TMEM179: variants seen among roughly 807,000 people sequenced by gnomAD.
TMEM179 encodes transmembrane protein 179A.
A neutral mutation model predicts 22.2 loss-of-function variants in TMEM179; 17 were observed. That is an observed-to-expected ratio of 0.77 (90% CI 0.52 to 1.15). The LOEUF (loss-of-function observed/expected upper bound fraction) is 1.15. Among genes scored for constraint, TMEM179 ranks in the 50% most tolerant of loss-of-function variants. TMEM179 has a pLI of 0.00. For missense variants in TMEM179, 265 were observed against 313.6 expected (o/e 0.84, Z 1.17); for synonymous variants, 127 against 140.5 (o/e 0.90, Z 0.68).
chr14:104,600,766 C>A (rs972079663), intron 1 of TMEM179, among the ~76,000 whole-genome samples: 42 of 152,158 alleles, frequency 2.8e-4, no homozygotes, highest in African/African-American at 9.7e-4. Context: ...TGAAAGACAC[C>A]CCCATAGGAA....
intron 3 of TMEM179, chr14:104,594,378 T>G: frequency 8.1e-7 from 1 of 1,231,748 alleles, no homozygotes; most frequent in East Asian, 3.2e-5. Flanking sequence ...GAGGCCAGCC[T>G]GGGGTCCGGA....
intron 1 of TMEM179, among the ~76,000 whole-genome samples, chr14:104,599,451 C>A (rs961629989): frequency 6.6e-6 from 1 of 152,152 alleles, no homozygotes; most frequent in African/African-American, 2.4e-5. Context: ...CTCCACTGAC[C>A]CCATGAACCC....
At chr14:104,600,582 CCATT>C (rs555646900) in intron 1 of TMEM179, among the ~76,000 whole-genome samples, 2,034 of 146,138 alleles carry the variant, frequency 0.014, 32 homozygotes, top group African/African-American at 0.034. Context: ...ATTCATTCAT[CCATT>C]CATTCATTCA....
chr14:104,596,940 G>A, intron 2 of TMEM179, 50 bp downstream of exon 2: 1 of 1,581,530 alleles, frequency 6.3e-7, no homozygotes, highest in Non-Finnish European at 8.6e-7. Context: ...GGGTGTCAAG[G>A]GATCTTCCGG....
Position 104,604,467 on chromosome 14 carries a change from G to T in TMEM179, c.275C>A (p.Thr92Lys). The T allele has an allele frequency of 6.3e-7, 1 of 1,581,986 alleles. No homozygotes were observed. Among genetic ancestry groups the T allele is most frequent in the South Asian group, 1.1e-5 (1 of 87,690 alleles). The stretch of plus-strand genomic sequence containing the variant: ...GTGTCCCTTGCAGAGGAAGAAGAGC[G>T]TGCGCCAGGCGTGCGCGGCGGCCAG... ...LLLAAAHAWR[T>K]LFFLCKGHEG... The change falls in exon 1 of 4, where the codon ACG becomes AAG. Residue 92 changes from threonine to lysine, a missense_variant. Coordinates refer to ENST00000556573, the MANE Select transcript of TMEM179 (RefSeq NM_001286389.2). The surrounding 1 kb of genome is among the most constrained non-coding windows in gnomAD (Gnocchi z 4.6).
chr14:104,594,037 G>C, intron 3 of TMEM179: 5 of 1,229,244 alleles, frequency 4.1e-6, no homozygotes, highest in Non-Finnish European at 5.1e-6. Flanking sequence ...GTAAACAGCG[G>C]AGGCTCCTCC....
At position 104,597,950 on chromosome 14, in the gene TMEM179, T is replaced by C. The variant is rs1887095344; in HGVS notation, c.306-823A>G. On this transcript the variant is annotated intron_variant, in intron 1 of 3. Transcript: ENST00000556573. This position sits in a 1 kb window ranked among gnomAD's most constrained non-coding sequence, Gnocchi z 4.8. ...ATGGGGAGCGCAGGAGGCAGGGCCA[T>C]GAGGAAGGAGCTCACTTAGGGCTGG... 6.6e-6 allele frequency among the ~76,000 whole-genome samples: 1 copy of C among 152,168 alleles called. No individual in the cohort carries two copies. Among genetic ancestry groups the C allele is most frequent in the Admixed American group, 6.5e-5 (1 of 15,286 alleles).
chr14:104,599,017 C>A (rs1275043884), intron 1 of TMEM179, among the ~76,000 whole-genome samples: 1 of 152,200 alleles, frequency 6.6e-6, no homozygotes, highest in African/African-American at 2.4e-5. Flanking sequence ...CAAGCCACAA[C>A]CCCCATCACA....
chr14:104,604,472 C>T lies in TMEM179; in HGVS notation c.270G>A (p.Trp90Ter). ...CCTTGCAGAGGAAGAAGAGCGTGCGCCAGGCGTGCGCGGCGGCCAGCAGCA... is the reference window on the plus strand; with the variant it reads ...CCTTGCAGAGGAAGAAGAGCGTGCGTCAGGCGTGCGCGGCGGCCAGCAGCA... ...LSLLLAAAHA[W>*]RTLFFLCKGH... is the part of the protein sequence containing the mutation. The change falls in exon 1 of 4, where the codon TGG becomes TGA. Residue 90 changes from tryptophan (W) to a stop codon, truncating the protein, a stop_gained. Transcript: ENST00000556573. LOFTEE classifies it high-confidence loss of function. The surrounding 1 kb of genome is among the most constrained non-coding windows in gnomAD (Gnocchi z 4.6). 6.3e-7 allele frequency: 1 copy of T among 1,582,142 alleles called. No individual in the cohort carries two copies. Among genetic ancestry groups the T allele is most frequent in the Non-Finnish European group, 8.6e-7 (1 of 1,168,112 alleles).
chr14:104,594,430 A>G (rs1483677071), intron 3 of TMEM179: 30 of 1,231,698 alleles, frequency 2.4e-5, no homozygotes, highest in African/African-American at 6.2e-5. Flanking sequence ...TGCTGGCAGG[A>G]GCCAGGTGTC....
In TMEM179 at chr14:104,593,516, C is replaced by T. The variant is rs1379369843; in HGVS notation, c.665G>A (p.Arg222His). Residue 222 changes from arginine (R) to histidine (H), a missense_variant, in exon 4 of 4, where the codon CGC becomes CAC. Physicochemically the swap from Arg to His is conservative, Grantham distance 29. Coordinates refer to ENST00000556573, the MANE Select transcript of TMEM179 (RefSeq NM_001286389.2). ...KELLLARPSP[R>H]TSFQEEKSAV... ...GCTCTTCTCCTCTTGGAAGGAGGTG[C>T]GTGGGGACGGCCGGGCCAGCAGCAG... The T allele has an allele frequency of 5.2e-6, 8 of 1,535,648 alleles. No individual in the cohort carries two copies. Among genetic ancestry groups the T allele is most frequent in the African/African-American group, 2.7e-5 (2 of 73,042 alleles).
chr14:104,602,889 C>T (rs146363548), intron 1 of TMEM179, among the ~76,000 whole-genome samples: 8 of 152,314 alleles, frequency 5.3e-5, no homozygotes, highest in Non-Finnish European at 7.3e-5. Flanking sequence ...CCCTGGTACC[C>T]GTGACTGTGA....
intron 1 of TMEM179, among the ~76,000 whole-genome samples, chr14:104,601,123 C>T (rs910620574): frequency 6.6e-6 from 1 of 152,234 alleles, no homozygotes; most frequent in African/African-American, 2.4e-5. Flanking sequence ...GGCACTTGCT[C>T]ACCTAGTCTA....
chr14:104,594,454 C>A (rs1434052807), intron 3 of TMEM179: 2 of 1,231,684 alleles, frequency 1.6e-6, no homozygotes, highest in Non-Finnish European at 2.0e-6. Context: ...TCTCAGCCAC[C>A]CCCACCCGGC....
chr14:104,593,649 A>G lies in TMEM179; in HGVS notation c.532T>C (p.Trp178Arg). 1 of 1,479,664 alleles carries G rather than the reference A, an allele frequency of 6.8e-7. No individual in the cohort carries two copies. Among genetic ancestry groups the G allele is most frequent in the Non-Finnish European group, 9.0e-7 (1 of 1,115,858 alleles). The allele number at this position is 1,479,664 out of a possible 1,614,324, so 91.7% of individuals were successfully genotyped here. A position where few individuals can be genotyped will look rare whatever the true frequency, so the allele number is the denominator to read the frequency against. ...GCCAGCCAGGCCAGCCATGAGGCCC[A>G]GAGGCCAAACTGCACAGAGGGCAGG... is the stretch of plus-strand genomic sequence containing the variant. ...DQFAIAQFGL[W>R]ASWLAWLAIT... The change falls in exon 4 of 4, where the codon TGG becomes CGG. Residue 178 changes from tryptophan to arginine, a missense_variant. Trp to Arg is a moderately radical substitution (Grantham distance 101, BLOSUM62 -3). Coordinates refer to ENST00000556573, the MANE Select transcript of TMEM179 (RefSeq NM_001286389.2).
chr14:104,603,496 G>A (rs758352892), intron 1 of TMEM179, among the ~76,000 whole-genome samples: 4 of 151,158 alleles, frequency 2.6e-5, no homozygotes, highest in Non-Finnish European at 4.4e-5. Flanking sequence ...GGCCCACAGA[G>A]GGCACCCACA....
chr14:104,604,357 C>T lies in TMEM179; in HGVS notation c.305+80G>A, dbSNP rs1887345904. On this transcript the variant is annotated intron_variant, in intron 1 of 3. Coordinates refer to ENST00000556573, the MANE Select transcript of TMEM179 (RefSeq NM_001286389.2). This position sits in a 1 kb window ranked among gnomAD's most constrained non-coding sequence, Gnocchi z 4.6. ...GAGCTGCCTGAGAGACGGAGGGACT[C>T]GCGCGCCTCCCCGGGGAGGTGGGTC... 2.2e-6 allele frequency: 3 copies of T among 1,387,570 alleles called. No individual in the cohort carries two copies. Among genetic ancestry groups the T allele is most frequent in the Non-Finnish European group, 1.9e-6 (2 of 1,069,676 alleles). 86.0% of individuals were successfully genotyped at this position (1,387,570 alleles called of 1,614,324 possible). A position where few individuals can be genotyped will look rare whatever the true frequency, so the allele number is the denominator to read the frequency against.
Position 104,595,296 on chromosome 14 carries a change from G to A in TMEM179, c.444-53C>T. On this transcript the variant is annotated intron_variant, in intron 2 of 3. Transcript: ENST00000556573. The surrounding 1 kb of genome is among the most constrained non-coding windows in gnomAD (Gnocchi z 5.7). ...GTGACCACCAGGACAGCCAGTGCGGGACATGGCTGAGCCGCTGGCCAGAGA... is the reference window on the plus strand; with the variant it reads ...GTGACCACCAGGACAGCCAGTGCGGAACATGGCTGAGCCGCTGGCCAGAGA... 1 of 1,557,342 alleles carries A rather than the reference G, an allele frequency of 6.4e-7. No individual in the cohort carries two copies. The highest frequency in any genetic ancestry group is 8.8e-7 in the Non-Finnish European group (1 of 1,141,120).
At position 104,592,691 on chromosome 14, in the gene TMEM179, C is replaced by A. The variant is rs921788117; in HGVS notation, c.*788G>T. On this transcript the variant is annotated 3_prime_UTR_variant, in exon 4 of 4. Coordinates refer to ENST00000556573, the MANE Select transcript of TMEM179 (RefSeq NM_001286389.2). The stretch of plus-strand genomic sequence containing the variant: ...ATATACACAATCACACCCTCCCATG[C>A]ACAAAGGCACTCACAATCACATCCT... Among the ~76,000 whole-genome samples the A allele has an allele frequency of 3.9e-5, 6 of 152,290 alleles. No homozygotes were observed. The highest frequency in any genetic ancestry group is 1.4e-4 in the African/African-American group (6 of 41,566).
Sources: allele counts gnomAD v4.1 joint callset (sites outside exome capture counted in the v4.1 genomes callset), GRCh38; gene constraint gnomAD v4.1.1; non-coding constraint Gnocchi (gnomAD v3.1); transcripts MANE v1.5; gene names NCBI Gene and HGNC (gene_info 2026-07-23, HGNC 2026-07-21).